ADGRL3: variants seen among roughly 807,000 people sequenced by gnomAD.
ADGRL3 encodes calcium-independent alpha-latrotoxin receptor 3.
Under a neutral mutation model 153.5 loss-of-function variants are expected in ADGRL3, and 62 were observed. The observed-to-expected ratio is 0.40, with a 90% CI of 0.33 to 0.50. The LOEUF (loss-of-function observed/expected upper bound fraction) is 0.50. ADGRL3 is among the 20% of genes least tolerant of loss of function. ADGRL3 has a pLI of 0.47. For synonymous variants in ADGRL3, 710 were observed against 672.5 expected (o/e 1.06, Z -0.86); for missense variants, 1,641 against 1,859.4 (o/e 0.88, Z 2.16).
chr4:61,663,875 GA>G (rs1489374361), intron 5 of ADGRL3, among the ~76,000 whole-genome samples: 2 of 152,110 alleles, frequency 1.3e-5, no homozygotes, highest in East Asian at 3.9e-4. Context: ...CCACAACTTT[GA>G]AAAAGAAAAA....
intron 1 of ADGRL3, among the ~76,000 whole-genome samples, chr4:61,255,829 G>A (rs987574369): frequency 3.9e-5 from 6 of 152,236 alleles, no homozygotes; most frequent in African/African-American, 1.4e-4. Context: ...TTGTTTCCTA[G>A]CACCATACAA....
intron 6 of ADGRL3, among the ~76,000 whole-genome samples, chr4:61,680,269 A>G (rs1442363284): frequency 2.6e-5 from 4 of 151,176 alleles, no homozygotes; most frequent in East Asian, 2.0e-4. Flanking sequence ...TTGTTATACA[A>G]TTTAGTAATA....
chr4:62,011,868 G>A (rs2151262311), intron 21 of ADGRL3, among the ~76,000 whole-genome samples: 1 of 152,052 alleles, frequency 6.6e-6, no homozygotes, highest in South Asian at 2.1e-4. Flanking sequence ...AAATCTCTTT[G>A]ATAACATAAT....
chr4:61,547,432 C>A (rs2098719029), intron 4 of ADGRL3, among the ~76,000 whole-genome samples: 1 of 152,012 alleles, frequency 6.6e-6, no homozygotes, highest in Non-Finnish European at 1.5e-5. Context: ...ACCCTTCAAT[C>A]TCAAGTAGGC....
chr4:61,717,378 C>A (rs535980966), intron 6 of ADGRL3, among the ~76,000 whole-genome samples: 6 of 152,218 alleles, frequency 3.9e-5, no homozygotes, highest in African/African-American at 1.4e-4. Flanking sequence ...AAAAATAATT[C>A]AGTACCAACT....
intron 4 of ADGRL3, among the ~76,000 whole-genome samples, chr4:61,568,459 T>G (rs2098825397): frequency 6.6e-6 from 1 of 152,100 alleles, no homozygotes; most frequent in Non-Finnish European, 1.5e-5. Flanking sequence ...CCCACTATGG[T>G]ACAGAAACTA....
At chr4:61,955,112 G>A (rs981738788) in intron 17 of ADGRL3, among the ~76,000 whole-genome samples, 12 of 152,130 alleles carry the variant, frequency 7.9e-5, no homozygotes, top group South Asian at 2.1e-4. Flanking sequence ...GTGGGTTAGC[G>A]TAGGTGTTTT....
In ADGRL3 at chr4:61,381,526, A is replaced by C. The variant is rs1019399694; in HGVS notation, c.-239-1598A>C. Among the ~76,000 whole-genome samples, 18 of 152,042 alleles carry C rather than the reference A, an allele frequency of 1.2e-4. 1 individual carries two copies. The highest frequency in any genetic ancestry group is 4.3e-4 in the African/African-American group (18 of 41,510). ...GAGGTATAGGAGTGTCAGGGAAGAT[A>C]AGATTGGTTTTATCTGTGGTGGAGT... On this transcript the variant is annotated intron_variant, in intron 1 of 26. Coordinates refer to ENST00000683033, the MANE Select transcript of ADGRL3 (RefSeq NM_001387552.1).
intron 5 of ADGRL3, among the ~76,000 whole-genome samples, chr4:61,587,669 A>G (rs1453034048): frequency 6.6e-6 from 1 of 152,082 alleles, no homozygotes; most frequent in Non-Finnish European, 1.5e-5. Flanking sequence ...GGTCTGCATG[A>G]CATTGCATGC....
intron 6 of ADGRL3, among the ~76,000 whole-genome samples, chr4:61,728,919 T>C (rs2096393660): frequency 6.6e-6 from 1 of 152,078 alleles, no homozygotes; most frequent in Non-Finnish European, 1.5e-5. Context: ...TTGAGATGCC[T>C]GTATTAGCCT....
At chr4:61,846,073 A>G (rs2098113020) in intron 9 of ADGRL3, among the ~76,000 whole-genome samples, 1 of 152,096 alleles carries the variant, frequency 6.6e-6, no homozygotes, top group African/African-American at 2.4e-5. Flanking sequence ...CCAGCATTCC[A>G]GAAGGCCACG....
At chr4:61,887,469 A>T (rs569098964) in intron 9 of ADGRL3, among the ~76,000 whole-genome samples, 1 of 152,268 alleles carries the variant, frequency 6.6e-6, no homozygotes, top group East Asian at 1.9e-4. Context: ...ATATTTTCTC[A>T]TTTTTAAAAC....
At chr4:61,716,323 G>T (rs898070633) in intron 6 of ADGRL3, among the ~76,000 whole-genome samples, 3 of 152,046 alleles carry the variant, frequency 2.0e-5, no homozygotes, top group Admixed American at 6.6e-5. Flanking sequence ...ATATAGATCT[G>T]GTTCTATTCA....
At chr4:61,766,286 A>C (rs1459866658) in intron 8 of ADGRL3, among the ~76,000 whole-genome samples, 2 of 152,082 alleles carry the variant, frequency 1.3e-5, no homozygotes, top group Non-Finnish European at 2.9e-5. Context: ...ATGAGGAAGA[A>C]AATAGATTTT....
chr4:61,854,072 C>G (rs1226991876), intron 9 of ADGRL3, among the ~76,000 whole-genome samples: 1 of 152,150 alleles, frequency 6.6e-6, no homozygotes, highest in Non-Finnish European at 1.5e-5. Flanking sequence ...TAAGCCAGAG[C>G]ATCTGGGAAT....
Position 61,733,259 on chromosome 4 carries a change from A to G in ADGRL3, c.1104A>G (p.Thr368=). 2 of 1,613,822 alleles carry G rather than the reference A, an allele frequency of 1.2e-6. No individual in the cohort carries two copies. The highest frequency in any genetic ancestry group is 1.7e-6 in the Non-Finnish European group (2 of 1,179,834). The change falls in exon 8 of 27, where the codon ACA becomes ACG. Residue 368 remains threonine (T), a synonymous_variant. Transcript: ENST00000683033. ...CTTACACCCTACGGATCGAAGGAACATGGGATACTGCATATGATAAAAGGT... is the reference window on the plus strand; with the variant it reads ...CTTACACCCTACGGATCGAAGGAACGTGGGATACTGCATATGATAAAAGGT... ...LNPYTLRIEG[T]WDTAYDKRSA... is the part of the protein sequence containing the mutation.
At chr4:61,785,711 CATT>C (rs2097268552) in intron 8 of ADGRL3, among the ~76,000 whole-genome samples, 1 of 152,190 alleles carries the variant, frequency 6.6e-6, no homozygotes, top group Non-Finnish European at 1.5e-5. Context: ...CTATTTCTAA[CATT>C]ATCAGAGATG....
chr4:61,819,567 A>G (rs1390581827), intron 9 of ADGRL3, among the ~76,000 whole-genome samples: 2 of 152,052 alleles, frequency 1.3e-5, no homozygotes, highest in Non-Finnish European at 2.9e-5. Context: ...AATTCCTTTT[A>G]TAGTTTATGG....
chr4:61,868,935 AT>A (rs903726114), intron 9 of ADGRL3, among the ~76,000 whole-genome samples: 6 of 150,550 alleles, frequency 4.0e-5, no homozygotes, highest in East Asian at 3.9e-4. Flanking sequence ...CTCAAAGGTA[AT>A]TTTTTTTTTC....
Sources: allele counts gnomAD v4.1 joint callset (sites outside exome capture counted in the v4.1 genomes callset), GRCh38; gene constraint gnomAD v4.1.1; transcripts MANE v1.5; gene names NCBI Gene and HGNC (gene_info 2026-07-23, HGNC 2026-07-21).